MAGEB6: variants seen among roughly 807,000 people sequenced by gnomAD.
MAGEB6 encodes MAGE family member B6.
For synonymous variants in MAGEB6, 128 were observed against 136.2 expected, an observed-to-expected ratio of 0.94 and a Z score of 0.42; for missense variants, 327 against 329.7, an observed-to-expected ratio of 0.99 and a Z score of 0.06.
In MAGEB6 at chrX:26,195,212, G is replaced by A. The variant is rs1602239322; in HGVS notation, c.*142G>A. Reference sequence around the variant, plus strand: ...TGAGCTTTCTAAGTAGTGCAGTATAGTAGAGGCTGGAGGGAACAAGATATG... The same window carrying A: ...TGAGCTTTCTAAGTAGTGCAGTATAATAGAGGCTGGAGGGAACAAGATATG... On this transcript the variant is annotated 3_prime_UTR_variant, in exon 2 of 2. Transcript: ENST00000379034. The A allele has an allele frequency of 4.5e-6, 3 of 673,066 alleles. No homozygotes were observed. The highest frequency in any genetic ancestry group is 3.4e-5 in the East Asian group (1 of 29,810). The allele number at this position is 673,066 out of a possible 1,213,427, so 55.5% of individuals were successfully genotyped here.
intron 1 of MAGEB6, 44 bp from the exon 2 acceptor site, chrX:26,193,742 T>A: frequency 3.0e-5 from 28 of 941,017 alleles, no homozygotes; most frequent in Non-Finnish European, 3.9e-5. Context: ...AGATGGTCGC[T>A]CTCTGCTGAA....
At chrX:26,192,918 A>T (rs760135707) in intron 1 of MAGEB6, among the ~76,000 whole-genome samples, 1 of 111,240 alleles carries the variant, frequency 9.0e-6, no homozygotes, top group Non-Finnish European at 1.9e-5. Flanking sequence ...TGAGAGTCAG[A>T]GAGGTAGGCC....
Position 26,194,280 on chromosome X carries a change from C to T in MAGEB6, c.434C>T (p.Pro145Leu). ...AGCACTTCCCATGATGTCTCCGTTCCTCAGGAGTCTCAGGGAGCTTCACCC... is the reference window on the plus strand; with the variant it reads ...AGCACTTCCCATGATGTCTCCGTTCTTCAGGAGTCTCAGGGAGCTTCACCC... ...SPSTSHDVSV[P>L]QESQGASPTG... The change falls in exon 2 of 2, where the codon CCT becomes CTT. Residue 145 changes from proline to leucine, a missense_variant. By Grantham distance (98) the Pro-to-Leu change is moderately conservative. Coordinates refer to ENST00000379034, the MANE Select transcript of MAGEB6 (RefSeq NM_173523.2). The T allele has an allele frequency of 8.3e-7, 1 of 1,208,992 alleles. No individual in the cohort carries two copies. Among genetic ancestry groups the T allele is most frequent in the Non-Finnish European group, 1.1e-6 (1 of 895,019 alleles).
intron 1 of MAGEB6, 117 bp from the exon 2 acceptor site, chrX:26,193,669 T>A (rs1230925567): frequency 5.1e-6 from 2 of 393,983 alleles, no homozygotes; most frequent in African/African-American, 5.1e-5. Flanking sequence ...AGAAAAGGAG[T>A]CCTGTGGGTT....
At chrX:26,193,725 A>T in intron 1 of MAGEB6, 61 bp from the exon 2 acceptor site, 2 of 829,333 alleles carry the variant, frequency 2.4e-6, no homozygotes, top group Non-Finnish European at 3.3e-6. Flanking sequence ...GGCCCTAGTT[A>T]AAGCCAAGAT....
Position 26,194,390 on chromosome X carries a change from C to T in MAGEB6, c.544C>T (p.Gln182Ter). The change falls in exon 2 of 2, where the codon CAG becomes TAG. Residue 182 changes from glutamine to a stop codon, truncating the protein, a stop_gained. Coordinates refer to ENST00000379034, the MANE Select transcript of MAGEB6 (RefSeq NM_173523.2). LOFTEE classifies it low-confidence loss of function (END_TRUNC). ...GEDEESVSAS[Q>*]KAIIFKRLSK... ...AGATGAGGAAAGTGTAAGCGCCTCA[C>T]AGAAAGCCATCATTTTTAAGCGCTT... is the stretch of plus-strand genomic sequence containing the variant. 8.3e-7 allele frequency: 1 copy of T among 1,211,869 alleles called. No homozygotes were observed. Among genetic ancestry groups the T allele is most frequent in the South Asian group, 1.8e-5 (1 of 56,977 alleles).
Position 26,193,795 on chromosome X carries a change from T to C in MAGEB6, c.-52T>C, listed in dbSNP as rs1929144121. The stretch of plus-strand genomic sequence containing the variant: ...ACTCTCTCCCATCCAGGTGCCAGCC[T>C]TCCTAGTCTTCCTACCCACACTCCT... On this transcript the variant is annotated 5_prime_UTR_variant, in exon 2 of 2. Transcript: ENST00000379034. 8.9e-7 allele frequency: 1 copy of C among 1,126,620 alleles called. No homozygotes were observed. The highest frequency in any genetic ancestry group is 1.9e-5 in the African/African-American group (1 of 53,908). 92.8% of individuals were successfully genotyped at this position (1,126,620 alleles called of 1,213,427 possible).
At position 26,194,965 on chromosome X, in the gene MAGEB6, G is replaced by A. The variant is rs778172988; in HGVS notation, c.1119G>A (p.Leu373=). 1 of 1,211,674 alleles carries A rather than the reference G, an allele frequency of 8.3e-7. No homozygotes were observed. The highest frequency in any genetic ancestry group is 1.8e-5 in the South Asian group (1 of 56,913). The change falls in exon 2 of 2, where the codon CTG becomes CTA. Residue 373 remains leucine, a synonymous_variant. Coordinates refer to ENST00000379034, the MANE Select transcript of MAGEB6 (RefSeq NM_173523.2). Reference sequence around the variant, plus strand: ...CTGAAACCACCAAGATGAGAGTCCTGCGTGTTTTGGCCGACAGCAGTAACA... The same window carrying A: ...CTGAAACCACCAAGATGAGAGTCCTACGTGTTTTGGCCGACAGCAGTAACA... ...AYAETTKMRV[L]RVLADSSNTS...
Position 26,194,131 on chromosome X carries a change from C to A in MAGEB6, c.285C>A (p.Ser95Arg). The stretch of plus-strand genomic sequence containing the variant: ...ACGGCCAAGATGAGAAAAGTCCAAG[C>A]ACCTCCCGTGATGCCTCCGTTCCTC... ...AANGQDEKSPSTSRDASVPQE... is the reference protein window; with the variant it reads ...AANGQDEKSPRTSRDASVPQE... Residue 95 changes from serine (S) to arginine (R), a missense_variant, in exon 2 of 2, where the codon AGC becomes AGA. Coordinates refer to ENST00000379034, the MANE Select transcript of MAGEB6 (RefSeq NM_173523.2). 6.0e-6 allele frequency: 7 copies of A among 1,176,233 alleles called. 1 individual carries two copies. Among genetic ancestry groups the A allele is most frequent in the Non-Finnish European group, 5.8e-6 (5 of 869,383 alleles).
At position 26,193,746 on chromosome X, in the gene MAGEB6, T is replaced by A. The variant is rs1929143346; in HGVS notation, c.-61-40T>A. 9 of 977,730 alleles carry A rather than the reference T, an allele frequency of 9.2e-6. No individual in the cohort carries two copies. In the East Asian group the frequency reaches 2.8e-4, roughly 30 times the overall value. The allele number at this position is 977,730 out of a possible 1,213,427, so 80.6% of individuals were successfully genotyped here. On this transcript the variant is annotated intron_variant, in intron 1 of 1. Coordinates refer to ENST00000379034, the MANE Select transcript of MAGEB6 (RefSeq NM_173523.2). ...AGTTAAAGCCAAGATGGTCGCTCTC[T>A]GCTGAAGATATTGACGTGACGTCAC...
Position 26,194,551 on chromosome X carries a change from G to C in MAGEB6, c.705G>C (p.Gln235His), listed in dbSNP as rs771319980. The change falls in exon 2 of 2, where the codon CAG becomes CAC. Residue 235 changes from glutamine to histidine, a missense_variant. Transcript: ENST00000379034. The part of the protein sequence containing the change: ...VRREYKPYFP[Q>H]ILNRTSQHLV... ...GAGAGTACAAGCCCTACTTCCCTCA[G>C]ATCCTCAACAGAACCTCCCAACATT... 8.3e-7 allele frequency: 1 copy of C among 1,211,562 alleles called. No individual in the cohort carries two copies. Among genetic ancestry groups the C allele is most frequent in the Non-Finnish European group, 1.1e-6 (1 of 895,348 alleles).
At position 26,194,226 on chromosome X, in the gene MAGEB6, C is replaced by G. The variant is rs201644419; in HGVS notation, c.380C>G (p.Ala127Gly). 1.3e-5 allele frequency: 16 copies of G among 1,196,890 alleles called. No homozygotes were observed. Among genetic ancestry groups the G allele is most frequent in the Non-Finnish European group, 1.7e-5 (15 of 887,771 alleles). ...AGVSGSKYDVAANGQDEKSPS... is the reference protein window; with the variant it reads ...AGVSGSKYDVGANGQDEKSPS... ...GTTTCAGGCTCAAAATATGATGTGG[C>G]TGCCAACGGCCAAGATGAGAAAAGT... The change falls in exon 2 of 2, where the codon GCT becomes GGT. Residue 127 changes from alanine (A) to glycine (G), a missense_variant. Ala to Gly is a moderately conservative substitution (Grantham distance 60). Coordinates refer to ENST00000379034, the MANE Select transcript of MAGEB6 (RefSeq NM_173523.2).
rs776030301 is a variant in MAGEB6, at chrX:26,193,793, C to T, written c.-54C>T. Reference sequence around the variant, plus strand: ...TCACTCTCTCCCATCCAGGTGCCAGCCTTCCTAGTCTTCCTACCCACACTC... The same window carrying T: ...TCACTCTCTCCCATCCAGGTGCCAGTCTTCCTAGTCTTCCTACCCACACTC... On this transcript the variant is annotated 5_prime_UTR_variant, in exon 2 of 2. Transcript: ENST00000379034. 1.8e-5 allele frequency: 20 copies of T among 1,123,023 alleles called. No homozygotes were observed. Among genetic ancestry groups the T allele is most frequent in the South Asian group, 9.1e-5 (4 of 44,138 alleles). 92.5% of individuals were successfully genotyped at this position (1,123,023 alleles called of 1,213,427 possible). A position where few individuals can be genotyped will look rare whatever the true frequency, so the allele number is the denominator to read the frequency against.
rs1157318101 is a variant in MAGEB6 at position 26,194,695 on chromosome X, G to A, written c.849G>A (p.Pro283=). 5.0e-6 allele frequency: 6 copies of A among 1,211,470 alleles called. No individual in the cohort carries two copies. In the Admixed American group the frequency reaches 6.5e-5, roughly 13 times the overall value. ...TTCTGAGTGGTGATAATGCGCTGCC[G>A]AAGTCGGGTCTCCTGATGTCGCTCC... ...EGILSGDNAL[P]KSGLLMSLLV... is the part of the protein sequence containing the mutation. Residue 283 remains proline (P), a synonymous_variant, in exon 2 of 2, where the codon CCG becomes CCA. Transcript: ENST00000379034.
Position 26,194,115 on chromosome X carries a change from AT to A in MAGEB6, c.270del (p.Asp90GlufsTer89). On this transcript the variant is annotated frameshift_variant, in exon 2 of 2. Coordinates refer to ENST00000379034, the MANE Select transcript of MAGEB6 (RefSeq NM_173523.2). LOFTEE classifies it low-confidence loss of function (END_TRUNC). ...TCCGATGTGGCTGCCAACGGCCAAG[AT>A]GAGAAAAGTCCAAGCACCTCCCGTG... ...SKSDVAANGQDEKSPSTSRDA... is the reference protein window; with the variant it reads ...SKSDVAANGQXEKSPSTSRDA... 6.7e-6 allele frequency: 8 copies of A among 1,202,235 alleles called. No individual in the cohort carries two copies. Among genetic ancestry groups the A allele is most frequent in the East Asian group, 3.0e-5 (1 of 33,256 alleles).
Position 26,194,553 on chromosome X carries a change from T to G in MAGEB6, c.707T>G (p.Ile236Ser), listed in dbSNP as rs1429357265. Residue 236 changes from isoleucine (I) to serine (S), a missense_variant, in exon 2 of 2, where the codon ATC becomes AGC. Ile to Ser is a moderately radical substitution (Grantham distance 142, BLOSUM62 -2). Transcript: ENST00000379034. ...RREYKPYFPQILNRTSQHLVV... is the reference protein window; with the variant it reads ...RREYKPYFPQSLNRTSQHLVV... Reference sequence around the variant, plus strand: ...GAGTACAAGCCCTACTTCCCTCAGATCCTCAACAGAACCTCCCAACATTTG... The same window carrying G: ...GAGTACAAGCCCTACTTCCCTCAGAGCCTCAACAGAACCTCCCAACATTTG... 8.3e-7 allele frequency: 1 copy of G among 1,211,394 alleles called. No homozygotes were observed. Among genetic ancestry groups the G allele is most frequent in the Non-Finnish European group, 1.1e-6 (1 of 895,302 alleles).
intron 1 of MAGEB6, 140 bp downstream of exon 1, chrX:26,192,667 C>T (rs1481572157): frequency 5.4e-5 from 6 of 111,347 alleles, no homozygotes; most frequent in Non-Finnish European, 1.1e-4. Context: ...GCTGTTAGGC[C>T]CAAAGTCCAT....
Position 26,194,365 on chromosome X carries a change from A to G in MAGEB6, c.519A>G (p.Glu173=), listed in dbSNP as rs963126089. ...GSKYDVAAEG[E]DEESVSASQK... ...AATATGATGTGGCTGCCGAGGGTGAAGATGAGGAAAGTGTAAGCGCCTCAC... is the reference window on the plus strand; with the variant it reads ...AATATGATGTGGCTGCCGAGGGTGAGGATGAGGAAAGTGTAAGCGCCTCAC... The change falls in exon 2 of 2, where the codon GAA becomes GAG. Residue 173 remains glutamate (E), a synonymous_variant. Transcript: ENST00000379034. 8.3e-7 allele frequency: 1 copy of G among 1,210,803 alleles called. No homozygotes were observed. Among genetic ancestry groups the G allele is most frequent in the Non-Finnish European group, 1.1e-6 (1 of 895,467 alleles).
Position 26,195,116 on chromosome X carries a change from A to G in MAGEB6, c.*46A>G, listed in dbSNP as rs764144814. ...CTTGGCCAGGGTACCTTATGGGGCCATATCCTACAGATCCTCCCATTTCTA... is the reference window on the plus strand; with the variant it reads ...CTTGGCCAGGGTACCTTATGGGGCCGTATCCTACAGATCCTCCCATTTCTA... On this transcript the variant is annotated 3_prime_UTR_variant, in exon 2 of 2. Transcript: ENST00000379034. The G allele has an allele frequency of 1.7e-6, 2 of 1,165,990 alleles. No homozygotes were observed. The highest frequency in any genetic ancestry group is 4.7e-5 in the Admixed American group (2 of 42,396).
Sources: gnomAD v4.1 joint callset for allele counts (sites outside exome capture counted in the v4.1 genomes callset) on GRCh38, gnomAD v4.1.1 for gene constraint, MANE v1.5 for transcripts, NCBI Gene and HGNC (gene_info 2026-07-23, HGNC 2026-07-21) for gene names.